Variants in ALG9 observed in about 807,000 individuals in gnomAD.
ALG9 encodes the protein ALG9 alpha-1,2-mannosyltransferase, also known as alpha-1,2-mannosyltransferase ALG9.
ALG9 carries 55 observed loss-of-function variants against 81.8 expected under a neutral mutation model. That is an observed-to-expected ratio of 0.67 (90% confidence interval 0.54 to 0.84). ALG9 has a LOEUF of 0.84. Among genes scored for constraint, ALG9 ranks in the 40% least tolerant of loss-of-function variants. The pLI, the probability that ALG9 is intolerant of heterozygous loss-of-function variation, is 0.00. For synonymous variants in ALG9, 278 were observed against 274.3 expected, an observed-to-expected ratio of 1.01 and a Z score of -0.13; for missense variants, 629 against 745.0, an observed-to-expected ratio of 0.84 and a Z score of 1.81.
chr11:111,865,708 A>G (rs1315756898), intron 3 of ALG9, among the ~76,000 whole-genome samples: 2 of 152,208 alleles, frequency 1.3e-5, no homozygotes, highest in Non-Finnish European at 2.9e-5. Flanking sequence ...TTAAGAGAAA[A>G]TGTACAATAT....
chr11:111,798,372 C>T (rs1304555611), intron 14 of ALG9, among the ~76,000 whole-genome samples: 1 of 152,178 alleles, frequency 6.6e-6, no homozygotes, highest in Non-Finnish European at 1.5e-5. Context: ...CAAACAGGCC[C>T]TGTTGCTCAT....
chr11:111,803,487 T>A, intron 14 of ALG9, among the ~76,000 whole-genome samples: 4 of 130,036 alleles, frequency 3.1e-5, no homozygotes, highest in Non-Finnish European at 4.7e-5. Context: ...GGTGACAGAG[T>A]AAGACTCCAT....
chr11:111,861,987 A>C (rs147429891), intron 4 of ALG9, among the ~76,000 whole-genome samples: 5 of 152,272 alleles, frequency 3.3e-5, no homozygotes, highest in African/African-American at 1.2e-4. Flanking sequence ...GTTCTCTGAC[A>C]ATTTTTAAAA....
chr11:111,813,354 C>A (rs1464236835), intron 13 of ALG9, among the ~76,000 whole-genome samples: 15 of 152,168 alleles, frequency 9.9e-5, no homozygotes, highest in Non-Finnish European at 1.8e-4. Context: ...GTAATCCCAG[C>A]ACTTTTGGAG....
intron 6 of ALG9, among the ~76,000 whole-genome samples, chr11:111,855,887 T>G (rs534037899): frequency 5.9e-5 from 9 of 152,236 alleles, no homozygotes; most frequent in African/African-American, 1.9e-4. Context: ...TAAAAGGCAC[T>G]TAAGAAATTT....
At chr11:111,864,084 A>C (rs1270293400) in intron 4 of ALG9, among the ~76,000 whole-genome samples, 1 of 152,210 alleles carries the variant, frequency 6.6e-6, no homozygotes, top group Non-Finnish European at 1.5e-5. Flanking sequence ...ATCACCACTA[A>C]AGAACTTATC....
At position 111,836,230 on chromosome 11, in the gene ALG9, G is replaced by A; in HGVS notation, c.1537C>T (p.Pro513Ser). 6.2e-7 allele frequency: 1 copy of A among 1,614,084 alleles called. No homozygotes were observed. The highest frequency in any genetic ancestry group is 8.5e-7 in the Non-Finnish European group (1 of 1,179,974). ...GTAGGAACAATCCGGGTGGCCAGAG[G>A]TCCTTCTGCAAAAGGTTTTGGTAAC... ...GQLPKPFAEG[P>S]LATRIVPTDM... is the part of the protein sequence containing the mutation. Residue 513 changes from proline (P) to serine (S), a missense_variant, in exon 13 of 15, where the codon CCT becomes TCT. This residue lies in a region of ALG9 where 264 missense variants were observed against 302.2 expected (regional missense o/e 0.87). Coordinates refer to ENST00000616540, the MANE Select transcript of ALG9 (RefSeq NM_024740.2).
At position 111,785,863 on chromosome 11, in the gene ALG9, G is replaced by A. The variant is rs1691010382; in HGVS notation, c.*534C>T. On this transcript the variant is annotated 3_prime_UTR_variant, in exon 15 of 15. Coordinates refer to ENST00000616540, the MANE Select transcript of ALG9 (RefSeq NM_024740.2). ...TTAAAGAAGCTTAGTCTTGCTGGAG[G>A]TGAAAAGGACATGTGGGTTGGCAAC... 2.7e-6 allele frequency: 1 copy of A among 364,414 alleles called. No individual in the cohort carries two copies. Among genetic ancestry groups the A allele is most frequent in the Admixed American group, 3.7e-5 (1 of 27,282 alleles). The allele number at this position is 364,414 out of a possible 1,614,324, so 22.6% of individuals were successfully genotyped here.
intron 13 of ALG9, among the ~76,000 whole-genome samples, chr11:111,832,633 C>G (rs1478799406): frequency 2.0e-5 from 3 of 152,120 alleles, no homozygotes; most frequent in Non-Finnish European, 4.4e-5. Context: ...TCCGTTTTCC[C>G]AATAAGCTTT....
At chr11:111,831,983 C>G (rs1280166903) in intron 13 of ALG9, among the ~76,000 whole-genome samples, 3 of 152,222 alleles carry the variant, frequency 2.0e-5, no homozygotes, top group Non-Finnish European at 4.4e-5. Flanking sequence ...GAAAAGTACA[C>G]TCAGTGGAAC....
chr11:111,812,891 T>TA, intron 13 of ALG9, among the ~76,000 whole-genome samples: 1 of 122,990 alleles, frequency 8.1e-6, no homozygotes. Context: ...CACTCCAGCC[T>TA]GGTGACAGAG....
At chr11:111,828,400 T>C (rs1555110665) in intron 13 of ALG9, among the ~76,000 whole-genome samples, 1 of 152,222 alleles carries the variant, frequency 6.6e-6, no homozygotes, top group Non-Finnish European at 1.5e-5. Context: ...CACTTCTGCC[T>C]GGAAGAGTTT....
intron 14 of ALG9, among the ~76,000 whole-genome samples, chr11:111,792,514 G>A (rs1947592338): frequency 6.6e-6 from 1 of 152,178 alleles, no homozygotes; most frequent in Admixed American, 6.5e-5. Context: ...CTCTCAATGA[G>A]GAATTCAAAG....
At position 111,871,428 on chromosome 11, in the gene ALG9, C is replaced by G. The variant is rs1215189660; in HGVS notation, c.55G>C (p.Asp19His). The change falls in exon 1 of 15, where the codon GAT (aspartate) becomes CAT (histidine). Residue 19 changes from aspartate to histidine, a missense_variant. Physicochemically the swap from Asp to His is moderately conservative, Grantham distance 81. This residue lies in a region of ALG9 where 344 missense variants were observed against 390.5 expected (regional missense o/e 0.88). Transcript: ENST00000616540. ...RLKGSGASSG[D>H]TAPAADKLRE... Reference sequence around the variant, plus strand: ...AGCTTGTCCGCAGCCGGGGCCGTATCCCCACTGCTGGCCCCGCTGCCCTTC... The same window carrying G: ...AGCTTGTCCGCAGCCGGGGCCGTATGCCCACTGCTGGCCCCGCTGCCCTTC... The G allele has an allele frequency of 4.6e-6, 7 of 1,536,306 alleles. No homozygotes were observed. The highest frequency in any genetic ancestry group is 1.2e-5 in the South Asian group (1 of 84,024).
intron 14 of ALG9, among the ~76,000 whole-genome samples, chr11:111,790,632 CTG>C (rs1429628124): frequency 6.6e-6 from 1 of 152,144 alleles, no homozygotes. Context: ...ACTATATAAA[CTG>C]TTCCTGCGAT....
intron 8 of ALG9, among the ~76,000 whole-genome samples, chr11:111,848,694 T>A (rs11214015): frequency 0.27 from 40,739 of 152,014 alleles, 5,655 homozygotes; most frequent in Admixed American, 0.34. Context: ...CATGTCTGAA[T>A]AGTTTCTACC....
At chr11:111,842,778 GA>G (rs1206356006) in intron 9 of ALG9, among the ~76,000 whole-genome samples, 1 of 151,732 alleles carries the variant, frequency 6.6e-6, no homozygotes, top group African/African-American at 2.4e-5. Context: ...AAAATATAAA[GA>G]AAAAAACAGA....
intron 14 of ALG9, chr11:111,788,515 G>A (rs782378208): frequency 2.2e-6 from 1 of 449,866 alleles, no homozygotes; most frequent in Non-Finnish European, 4.4e-6. Flanking sequence ...AGGCTGAGGT[G>A]GGAGGATTGC....
intron 8 of ALG9, among the ~76,000 whole-genome samples, chr11:111,851,051 C>T (rs958384319): frequency 1.1e-4 from 16 of 152,216 alleles, no homozygotes; most frequent in Non-Finnish European, 2.4e-4. Context: ...GAAAGACTGG[C>T]TACTGCTCTA....
Sources: allele counts gnomAD v4.1 joint callset (sites outside exome capture counted in the v4.1 genomes callset), GRCh38; gene constraint gnomAD v4.1.1; regional missense constraint gnomAD v4.1.1; transcripts MANE v1.5; gene names NCBI Gene and HGNC (gene_info 2026-07-23, HGNC 2026-07-21).